Variants in C11orf16 observed in about 807,000 individuals in gnomAD.
C11orf16 encodes the protein uncharacterized protein C11orf16.
A neutral mutation model predicts 45.1 loss-of-function variants in C11orf16; 38 were observed. The ratio of observed to expected loss-of-function variants is 0.84; its 90% confidence interval spans 0.65 to 1.10. The LOEUF (loss-of-function observed/expected upper bound fraction) is 1.10, where lower values mean the gene tolerates loss of function less well. C11orf16 is among the 50% of genes least tolerant of loss of function. C11orf16 has a pLI of 0.00. For missense variants in C11orf16, 583 were observed against 569.5 expected, an observed-to-expected ratio of 1.02 and a Z score of -0.24; for synonymous variants, 221 against 222.0, an observed-to-expected ratio of 1.00 and a Z score of 0.04.
intron 4 of C11orf16, 118 bp from the exon 5 acceptor site, chr11:8,926,225 C>T: frequency 9.9e-7 from 1 of 1,005,334 alleles, no homozygotes; most frequent in South Asian, 1.8e-5. Flanking sequence ...CTGGCTCAGG[C>T]TGGAGTGCAG....
At chr11:8,932,082 C>T (rs2134841012) in intron 2 of C11orf16, 60 bp downstream of exon 2, 1 of 1,470,194 alleles carries the variant, frequency 6.8e-7, no homozygotes, top group East Asian at 2.5e-5. Context: ...CCACCAACAG[C>T]CAAGAACAAA....
chr11:8,922,782 T>C (rs2064583971), intron 5 of C11orf16, among the ~76,000 whole-genome samples: 1 of 152,204 alleles, frequency 6.6e-6, no homozygotes, highest in South Asian at 2.1e-4. Flanking sequence ...CTTTAAAAGA[T>C]ACAAAACCTG....
In C11orf16 at chr11:8,921,388, C is replaced by T. The variant is rs202215791; in HGVS notation, c.1332G>A (p.Pro444=). The change falls in exon 6 of 7, where the codon CCG becomes CCA. Residue 444 remains proline (P), a synonymous_variant. Transcript: ENST00000326053. ...GCTTTCTGTGTTCAGCTTCCCCTGG[C>T]GGGGTCCGCGGTGGCTTCATGTGGG... is the stretch of plus-strand genomic sequence containing the variant. ...KATHMKPPRT[P]PGEAEHRKRS... 187 of 1,614,202 alleles carry T rather than the reference C, an allele frequency of 1.2e-4. 1 individual carries two copies. The highest frequency in any genetic ancestry group is 9.8e-4 in the South Asian group (89 of 91,080).
In C11orf16 at chr11:8,926,977, A is replaced by G. The variant is rs1156597500; in HGVS notation, c.522T>C (p.Thr174=). The change falls in exon 4 of 7, where the codon ACT becomes ACC. Residue 174 remains threonine, a synonymous_variant. Transcript: ENST00000326053. ...CTCTCATCTCCAAGCCCAAAAGAAC[A>G]GTGCCAGGGCCATACTGCTGTTGGC... ...EPGQQQYGPG[T]VLLGLEMRDP... is the part of the protein sequence containing the mutation. The G allele has an allele frequency of 1.2e-6, 2 of 1,614,048 alleles. No individual in the cohort carries two copies. The highest frequency in any genetic ancestry group is 8.5e-7 in the Non-Finnish European group (1 of 1,180,014).
At position 8,921,496 on chromosome 11, in the gene C11orf16, G is replaced by C. The variant is rs764798218; in HGVS notation, c.1224C>G (p.Ile408Met). The change falls in exon 6 of 7, where the codon ATC becomes ATG. Residue 408 changes from isoleucine (I) to methionine (M), a missense_variant. Transcript: ENST00000326053. ...LGKPGTRYSN[I>M]CKEEKDHKQQ... ...GTTTGTGATCCTTTTCTTCTTTGCA[G>C]ATGTTGGAATATCTTGTTCCTAAAC... 8 of 1,614,116 alleles carry C rather than the reference G, an allele frequency of 5.0e-6. No homozygotes were observed. Among genetic ancestry groups the C allele is most frequent in the Non-Finnish European group, 6.8e-6 (8 of 1,180,048 alleles).
Position 8,925,592 on chromosome 11 carries a change from G to A in C11orf16, c.1075C>T (p.Leu359=), listed in dbSNP as rs934882734. The A allele has an allele frequency of 6.2e-7, 1 of 1,614,274 alleles. No individual in the cohort carries two copies. The highest frequency in any genetic ancestry group is 8.5e-7 in the Non-Finnish European group (1 of 1,180,048). ...GTGTTGACTGCACTGTTCACCATCA[G>A]TCTCTGGGGAGGGCCCATCTCCAGA... ...NDLEMGPPQR[L]MVNSAVNTDP... is the part of the protein sequence containing the mutation. Residue 359 remains leucine (L), a synonymous_variant, in exon 5 of 7, where the codon CTG becomes TTG. Transcript: ENST00000326053.
At chr11:8,925,374 T>C in intron 5 of C11orf16, 89 bp downstream of exon 5, 2 of 1,168,342 alleles carry the variant, frequency 1.7e-6, no homozygotes, top group Non-Finnish European at 2.4e-6. Context: ...AGTGGACACG[T>C]GCATCAAATT....
At chr11:8,927,296 A>G (rs966633776) in intron 3 of C11orf16, 122 bp from the exon 4 acceptor site, 1 of 716,494 alleles carries the variant, frequency 1.4e-6, no homozygotes, top group African/African-American at 1.8e-5. Context: ...AGTGACAGGC[A>G]CCTAAAGAAG....
At position 8,921,540 on chromosome 11, in the gene C11orf16, G is replaced by T. The variant is rs769697376; in HGVS notation, c.1205-25C>A. The T allele has an allele frequency of 6.9e-6, 11 of 1,600,146 alleles. No individual in the cohort carries two copies. The South Asian group carries it at 8.8e-5, about 13-fold the overall frequency. Reference sequence around the variant, plus strand: ...CCTAAACCCAAAAGTCAATTACTTAGGTTGAATATGCCACCATTTTGATGG... The same window carrying T: ...CCTAAACCCAAAAGTCAATTACTTATGTTGAATATGCCACCATTTTGATGG... On this transcript the variant is annotated intron_variant, in intron 5 of 6. Coordinates refer to ENST00000326053, the MANE Select transcript of C11orf16 (RefSeq NM_020643.3).
rs1381296541 is a variant in C11orf16, at chr11:8,926,018, T to C, written c.649A>G (p.Ile217Val). Reference protein sequence around the residue: ...LGGVQSVSLTIWKKAVERLHK... With the variant: ...LGGVQSVSLTVWKKAVERLHK... ...AGCCTCTCCACAGCCTTCTTCCAGATGGTCAGGGACACCGACTGGACCCCA... is the reference window on the plus strand; with the variant it reads ...AGCCTCTCCACAGCCTTCTTCCAGACGGTCAGGGACACCGACTGGACCCCA... The change falls in exon 5 of 7, where the codon ATC becomes GTC. Residue 217 changes from isoleucine to valine, a missense_variant. Physicochemically the swap from Ile to Val is conservative, Grantham distance 29. Transcript: ENST00000326053. 3 of 1,614,032 alleles carry C rather than the reference T, an allele frequency of 1.9e-6. No individual in the cohort carries two copies. Among genetic ancestry groups the C allele is most frequent in the East Asian group, 2.2e-5 (1 of 44,890 alleles).
In C11orf16 at chr11:8,932,223, G is replaced by C; in HGVS notation, c.86C>G (p.Ala29Gly). Reference protein sequence around the residue: ...TSLKAPGWDGAAPPWDLSFTY... With the variant: ...TSLKAPGWDGGAPPWDLSFTY... ...GAAGGAGAGGTCCCAAGGTGGAGCA[G>C]CACCGTCCCAGCCAGGGGCCTTCAG... The change falls in exon 2 of 7, where the codon GCT (alanine) becomes GGT (glycine). Residue 29 changes from alanine (A) to glycine (G), a missense_variant. Coordinates refer to ENST00000326053, the MANE Select transcript of C11orf16 (RefSeq NM_020643.3). The C allele has an allele frequency of 6.2e-7, 1 of 1,605,642 alleles. No homozygotes were observed. The highest frequency in any genetic ancestry group is 8.5e-7 in the Non-Finnish European group (1 of 1,176,282).
chr11:8,927,394 C>G, intron 3 of C11orf16: 1 of 582,144 alleles, frequency 1.7e-6, no homozygotes, highest in South Asian at 2.0e-5. Context: ...CTCTTCCTGC[C>G]TCGGGCAACT....
intron 3 of C11orf16, chr11:8,929,169 A>G (rs1250801279): frequency 1.9e-6 from 1 of 524,890 alleles, no homozygotes; most frequent in Admixed American, 3.8e-5. Flanking sequence ...TCTGTGGTTT[A>G]AGCCACTCCG....
rs142823348 is a variant in C11orf16, at chr11:8,925,777, C to T, written c.890G>A (p.Arg297Lys). The change falls in exon 5 of 7, where the codon AGG becomes AAG. Residue 297 changes from arginine (R) to lysine (K), a missense_variant. By Grantham distance (26) the Arg-to-Lys change is conservative (BLOSUM62 2). Coordinates refer to ENST00000326053, the MANE Select transcript of C11orf16 (RefSeq NM_020643.3). ...TTCTCTGGCCATGACTTCTGAGGTC[C>T]TGGTTAGAGGCCACCAAGTCGTGCC... ...PCGTTWWPLTRTSEVMARELP... is the reference protein window; with the variant it reads ...PCGTTWWPLTKTSEVMARELP... The T allele has an allele frequency of 5.6e-4, 910 of 1,614,230 alleles. No individual in the cohort carries two copies. The highest frequency in any genetic ancestry group is 7.3e-4 in the Non-Finnish European group (865 of 1,180,046).
rs59858402 is a variant in C11orf16, at chr11:8,926,185, C to CTTTTTTTTTTTTTTTTTTTTTT, written c.560-79_560-78insAAAAAAAAAAAAAAAAAAAAAA. On this transcript the variant is annotated intron_variant, in intron 4 of 6. Transcript: ENST00000326053. ...TTTTTCTTTTTTCTTTTTTTCTTTT[C>CTTTTTTTTTTTTTTTTTTTTTT]TTTTTTTTTTTTTTTTTTTGAGACA... The CTTTTTTTTTTTTTTTTTTTTTT allele has an allele frequency of 1.2e-4, 107 of 888,940 alleles. 1 individual carries two copies. The highest frequency in any genetic ancestry group is 1.7e-4 in the African/African-American group (8 of 47,380). The allele number at this position is 888,940 out of a possible 1,614,324, so 55.1% of individuals were successfully genotyped here.
chr11:8,926,105 A>T lies in C11orf16; in HGVS notation c.562T>A (p.Ser188Thr), dbSNP rs751933084. ...TGAACAGTGATTTCTTTTTCCTTTG[A>T]TGCTACATAACAAAAAATGGCAACA... is the stretch of plus-strand genomic sequence containing the variant. ...GLEMRDPQRA[S>T]KEKEITVHFW... The change falls in exon 5 of 7, where the codon TCA (serine) becomes ACA (threonine). Residue 188 changes from serine (S) to threonine (T), a missense_variant and splice_region_variant. Ser to Thr is a moderately conservative substitution (Grantham distance 58). Coordinates refer to ENST00000326053, the MANE Select transcript of C11orf16 (RefSeq NM_020643.3). 1 of 1,577,646 alleles carries T rather than the reference A, an allele frequency of 6.3e-7. No homozygotes were observed. The highest frequency in any genetic ancestry group is 1.4e-5 in the African/African-American group (1 of 73,568).
At chr11:8,928,253 G>A (rs1310806279) in intron 3 of C11orf16, among the ~76,000 whole-genome samples, 1 of 151,846 alleles carries the variant, frequency 6.6e-6, no homozygotes, top group African/African-American at 2.4e-5. Flanking sequence ...TATTTTTAAA[G>A]AATTTACACT....
chr11:8,931,820 G>A (rs1185483278), intron 2 of C11orf16, among the ~76,000 whole-genome samples: 1 of 152,182 alleles, frequency 6.6e-6, no homozygotes, highest in East Asian at 1.9e-4. Flanking sequence ...GTGAGCCACT[G>A]CGCCCAGCCA....
Position 8,932,181 on chromosome 11 carries a change from AG to A in C11orf16, c.127del (p.Leu43SerfsTer47). On this transcript the variant is annotated frameshift_variant, in exon 2 of 7. Transcript: ENST00000326053. LOFTEE classifies it high-confidence loss of function. ...WDLSFTYPFA[L>X]QAPWLTGHKP... ...GTGCCCGGTGAGCCAGGGTGCTTGG[AG>A]GGCAAAGGGGTAGGTGAAGGAGAGG... 6.3e-7 allele frequency: 1 copy of A among 1,591,258 alleles called. No individual in the cohort carries two copies. Among genetic ancestry groups the A allele is most frequent in the South Asian group, 1.1e-5 (1 of 87,206 alleles).
Sources: allele counts gnomAD v4.1 joint callset (sites outside exome capture counted in the v4.1 genomes callset), GRCh38; gene constraint gnomAD v4.1.1; transcripts MANE v1.5; gene names NCBI Gene and HGNC (gene_info 2026-07-23, HGNC 2026-07-21).